Variants in CELF2 observed in about 807,000 individuals in gnomAD.
CELF2 encodes the protein CUGBP Elav-like family member 2.
Under a neutral mutation model 62.6 loss-of-function variants are expected in CELF2, and 8 were observed. That is an observed-to-expected ratio of 0.13 (90% CI 0.07 to 0.23). The LOEUF (loss-of-function observed/expected upper bound fraction) is 0.23, where lower values mean the gene tolerates loss of function less well. Among genes scored for constraint, CELF2 ranks in the 10% least tolerant of loss-of-function variants. The pLI, the probability that CELF2 is intolerant of heterozygous loss-of-function variation, is 1.00. For synonymous variants in CELF2, 258 were observed against 250.0 expected (o/e 1.03, Z -0.30); for missense variants, 333 against 671.0 (o/e 0.50, Z 5.56).
At chr10:10,580,052 A>C in the CELF2 span, among the ~76,000 whole-genome samples, 2 of 152,218 alleles carry the variant, frequency 1.3e-5, no homozygotes, top group African/African-American at 4.8e-5. Context: ...CTCCTTCTAC[A>C]CAGTAATAAT....
rs1323973479 is a variant in CELF2, at chr10:11,325,810, A to C, written c.1295-26A>C. ...GAAACTAAGACTCAAGGGATACCTT[A>C]CTCTGACTTTTTTTTTCCTCCTTAG... On this transcript the variant is annotated intron_variant, in intron 11 of 12. Transcript: ENST00000633077. 3 of 1,575,814 alleles carry C rather than the reference A, an allele frequency of 1.9e-6. No homozygotes were observed. The Admixed American group carries it at 5.6e-5, about 30-fold the overall frequency.
At chr10:10,633,958 C>A in the CELF2 span, among the ~76,000 whole-genome samples, 3,600 of 152,062 alleles carry the variant, frequency 0.024, 139 homozygotes, top group African/African-American at 0.082. Flanking sequence ...CCTGCCTATT[C>A]AACCACTGGA....
intron 1 of CELF2, among the ~76,000 whole-genome samples, chr10:10,871,781 C>T (rs1457434458): frequency 6.6e-6 from 1 of 152,064 alleles, no homozygotes; most frequent in Non-Finnish European, 1.5e-5. Context: ...TTTCCAGGGA[C>T]CACTGGGAGC....
At chr10:10,906,246 A>T (rs1195064401) in intron 1 of CELF2, among the ~76,000 whole-genome samples, 1 of 152,176 alleles carries the variant, frequency 6.6e-6, no homozygotes, top group Non-Finnish European at 1.5e-5. Flanking sequence ...TGTACTACCT[A>T]ATTTTCTTCT....
Position 11,242,176 on chromosome 10 carries a change from G to A in CELF2, c.355-6977G>A, listed in dbSNP as rs1019875374. On this transcript the variant is annotated intron_variant, in intron 3 of 12. Transcript: ENST00000633077. This position sits in a 1 kb window ranked among gnomAD's most constrained non-coding sequence, Gnocchi z 4.8. ...CACGGCTGCTCTCTCCAGGGGTCAG[G>A]ATGGGTTTAATAATGAGATGCGTAA... Among the ~76,000 whole-genome samples the A allele has an allele frequency of 6.6e-6, 1 of 152,166 alleles. No individual in the cohort carries two copies. The highest frequency in any genetic ancestry group is 6.5e-5 in the Admixed American group (1 of 15,284).
chr10:10,975,086 T>G (rs979200337), intron 2 of CELF2, among the ~76,000 whole-genome samples: 2 of 152,192 alleles, frequency 1.3e-5, no homozygotes, highest in African/African-American at 4.8e-5. Flanking sequence ...TCAAATGCTG[T>G]CTCTCACTTC....
chr10:11,232,656 A>G lies in CELF2; in HGVS notation c.354+15149A>G, dbSNP rs559878864. 1.2e-4 allele frequency among the ~76,000 whole-genome samples: 19 copies of G among 152,218 alleles called. No individual in the cohort carries two copies. In the East Asian group the frequency reaches 2.3e-3, roughly 19 times the overall value. On this transcript the variant is annotated intron_variant, in intron 3 of 12. Coordinates refer to ENST00000633077, the MANE Select transcript of CELF2 (RefSeq NM_001326342.2). ...GTGCCTTGATGATGTTGCCTTGATG[A>G]TGTTGCATGGTACTGATTTCAAGGA...
Position 11,324,217 on chromosome 10 carries a change from T to G in CELF2, c.1295-1619T>G, listed in dbSNP as rs1327936852. On this transcript the variant is annotated intron_variant, in intron 11 of 12. Coordinates refer to ENST00000633077, the MANE Select transcript of CELF2 (RefSeq NM_001326342.2). This position sits in a 1 kb window ranked among gnomAD's most constrained non-coding sequence, Gnocchi z 4.7. ...ATTGAAACTGTATTTTCTCCCCGGC[T>G]TCAGGAGGTGAGATGTACTTCACAG... is the stretch of plus-strand genomic sequence containing the variant. Among the ~76,000 whole-genome samples, 1 of 152,230 alleles carries G rather than the reference T, an allele frequency of 6.6e-6. No homozygotes were observed.
At chr10:11,154,874 G>A (rs672510) in intron 1 of CELF2, among the ~76,000 whole-genome samples, 46,518 of 151,998 alleles carry the variant, frequency 0.31, 8,212 homozygotes, top group East Asian at 0.75. Context: ...TCCCGGACAA[G>A]ATGACAAAAA....
chr10:11,219,586 G>A (rs1281383982), intron 3 of CELF2, among the ~76,000 whole-genome samples: 2 of 152,202 alleles, frequency 1.3e-5, no homozygotes, highest in African/African-American at 4.8e-5. Context: ...CCTTTCCAGT[G>A]CACACACTTG....
At chr10:10,731,832 G>T in the CELF2 span, among the ~76,000 whole-genome samples, 1 of 152,134 alleles carries the variant, frequency 6.6e-6, no homozygotes, top group Non-Finnish European at 1.5e-5. Context: ...TAGCAAACAG[G>T]TAACTTCCAG....
intron 1 of CELF2, among the ~76,000 whole-genome samples, chr10:11,084,311 G>A (rs1213647693): frequency 6.6e-6 from 1 of 152,204 alleles, no homozygotes; most frequent in African/African-American, 2.4e-5. Flanking sequence ...AGGAATGCAT[G>A]GACACAAGAT....
Position 11,207,911 on chromosome 10 carries a change from A to G in CELF2, c.272-9514A>G, listed in dbSNP as rs2060829842. On this transcript the variant is annotated intron_variant, in intron 2 of 12. Transcript: ENST00000633077. The surrounding 1 kb of genome is among the most constrained non-coding windows in gnomAD (Gnocchi z 4.1). ...TAGGTGGGGAAAAAAGGGTTGTGTT[A>G]GGTGACTGTTGGAGAGACATTTCAG... Among the ~76,000 whole-genome samples, 1 of 152,230 alleles carries G rather than the reference A, an allele frequency of 6.6e-6. No individual in the cohort carries two copies. Among genetic ancestry groups the G allele is most frequent in the Non-Finnish European group, 1.5e-5 (1 of 68,038 alleles).
chr10:11,336,664 T>C lies in CELF2; in HGVS notation c.*7611T>C, dbSNP rs1446907236. ...TGACTTAATATTCAATAAATTGACT[T>C]TGGAAACAAAAGTTCTCCGGAGTGC... is the stretch of plus-strand genomic sequence containing the variant. On this transcript the variant is annotated 3_prime_UTR_variant, in exon 13 of 13. Transcript: ENST00000633077. This position sits in a 1 kb window ranked among gnomAD's most constrained non-coding sequence, Gnocchi z 5.4. 6.6e-6 allele frequency: 1 copy of C among 152,638 alleles called. No homozygotes were observed. The highest frequency in any genetic ancestry group is 1.5e-5 in the Non-Finnish European group (1 of 68,050). 9.5% of individuals were successfully genotyped at this position (152,638 alleles called of 1,614,324 possible).
intron 1 of CELF2, among the ~76,000 whole-genome samples, chr10:11,120,995 A>G (rs1487505955): frequency 6.6e-6 from 1 of 152,160 alleles, no homozygotes; most frequent in Non-Finnish European, 1.5e-5. Flanking sequence ...GGAGGTGTGT[A>G]GCCTGTAAAT....
chr10:10,493,535 GTTTC>G, the CELF2 span, among the ~76,000 whole-genome samples: 1 of 136,362 alleles, frequency 7.3e-6, no homozygotes, highest in Non-Finnish European at 1.6e-5. Context: ...TTTTTTGTTT[GTTTC>G]TTTTTTTCTT....
chr10:10,528,176 T>C, the CELF2 span, among the ~76,000 whole-genome samples: 1 of 152,064 alleles, frequency 6.6e-6, no homozygotes, highest in African/African-American at 2.4e-5. Context: ...TGTGTGTGTG[T>C]GTGTGATTGT....
intron 3 of CELF2, among the ~76,000 whole-genome samples, chr10:11,241,489 C>T (rs532288868): frequency 6.9e-4 from 105 of 152,294 alleles, no homozygotes; most frequent in Non-Finnish European, 1.2e-3. Context: ...TGTGAGTGAC[C>T]GCGCTGGGCC....
At chr10:10,963,126 C>T (rs2049729188) in intron 2 of CELF2, among the ~76,000 whole-genome samples, 1 of 152,022 alleles carries the variant, frequency 6.6e-6, no homozygotes. Flanking sequence ...CTGCAGCCTT[C>T]GCCTCCTGGG....
Sources: gnomAD v4.1 joint callset for allele counts (sites outside exome capture counted in the v4.1 genomes callset) on GRCh38, gnomAD v4.1.1 for gene constraint, Gnocchi (gnomAD v3.1) non-coding constraint, MANE v1.5 for transcripts, NCBI Gene and HGNC (gene_info 2026-07-23, HGNC 2026-07-21) for gene names.